The following EMP2 variants were observed in gnomAD, a reference collection of about 807,000 sequenced individuals.
EMP2 encodes epithelial membrane protein 2.
A neutral mutation model predicts 13.7 loss-of-function variants in EMP2; 19 were observed. The ratio of observed to expected loss-of-function variants is 1.38; its 90% CI spans 0.97 to 2.03. The LOEUF is 2.03. Ranked by LOEUF, EMP2 falls within the 30% of genes most tolerant of loss-of-function variation. The pLI is 0.00. For missense variants in EMP2, 253 were observed against 220.7 expected, an observed-to-expected ratio of 1.15 and a Z score of -0.93; for synonymous variants, 97 against 84.7, an observed-to-expected ratio of 1.15 and a Z score of -0.80.
chr16:10,552,119 CTTT>C (rs35463309), intron 1 of EMP2, among the ~76,000 whole-genome samples: 1 of 108,222 alleles, frequency 9.2e-6, no homozygotes, highest in Non-Finnish European at 1.7e-5. Context: ...GATGCATTCC[CTTT>C]TTTTTTTTTT....
chr16:10,562,347 T>TCC (rs2050877496), intron 1 of EMP2, among the ~76,000 whole-genome samples: 1 of 117,888 alleles, frequency 8.5e-6, no homozygotes, highest in African/African-American at 3.4e-5. Context: ...TCTCTCTCTC[T>TCC]CTCTCTCTCT....
chr16:10,547,773 T>G (rs2050751155), intron 1 of EMP2, 96 bp from the exon 2 acceptor site: 1 of 693,554 alleles, frequency 1.4e-6, no homozygotes, highest in Non-Finnish European at 2.4e-6. Flanking sequence ...TGGTGGCTCA[T>G]GCCTATAATC....
At chr16:10,541,758 C>T (rs1194532715) in intron 3 of EMP2, among the ~76,000 whole-genome samples, 1 of 152,170 alleles carries the variant, frequency 6.6e-6, no homozygotes, top group African/African-American at 2.4e-5. Flanking sequence ...CACACCTAGA[C>T]TGGAATCCTG....
At chr16:10,542,883 T>A (rs1037622803) in intron 3 of EMP2, among the ~76,000 whole-genome samples, 1 of 152,230 alleles carries the variant, frequency 6.6e-6, no homozygotes, top group Non-Finnish European at 1.5e-5. Flanking sequence ...TCTCACTCTG[T>A]CACCCAGGGT....
intron 1 of EMP2, among the ~76,000 whole-genome samples, chr16:10,560,092 A>C (rs1221097359): frequency 6.6e-6 from 1 of 152,164 alleles, no homozygotes; most frequent in Non-Finnish European, 1.5e-5. Context: ...GCACCAGAGA[A>C]ACCATTATCT....
chr16:10,543,692 C>A lies in EMP2; in HGVS notation c.79-32G>T, dbSNP rs1231107404. Reference sequence around the variant, plus strand: ...CACAAAATGGAAATAGAGAGAAAGGCCGTCCGTTCATGATGCAAACACTGA... The same window carrying A: ...CACAAAATGGAAATAGAGAGAAAGGACGTCCGTTCATGATGCAAACACTGA... On this transcript the variant is annotated intron_variant, in intron 2 of 4. Coordinates refer to ENST00000359543, the MANE Select transcript of EMP2 (RefSeq NM_001424.6). The A allele has an allele frequency of 3.1e-6, 5 of 1,607,142 alleles. 1 individual carries two copies. The highest frequency in any genetic ancestry group is 4.3e-6 in the Non-Finnish European group (5 of 1,173,772).
At chr16:10,575,237 C>CATTT in intron 1 of EMP2, among the ~76,000 whole-genome samples, 1 of 52,500 alleles carries the variant, frequency 1.9e-5, no homozygotes, top group Non-Finnish European at 3.6e-5. Flanking sequence ...AGCTTGCATT[C>CATTT]TTTTTTTTTT....
intron 3 of EMP2, 89 bp downstream of exon 3, chr16:10,543,481 G>T: frequency 7.1e-7 from 1 of 1,412,176 alleles, no homozygotes; most frequent in Non-Finnish European, 1.0e-6. Flanking sequence ...TGGAGGAGAG[G>T]GTACGGAGTC....
chr16:10,532,202 AG>A lies in EMP2; in HGVS notation c.*702del, dbSNP rs35914943. 102,194 of 153,198 alleles carry A rather than the reference AG, an allele frequency of 0.67. 34,276 individuals carry two copies. Among genetic ancestry groups the A allele is most frequent in the East Asian group, 0.76 (3,871 of 5,096 alleles). The allele number at this position is 153,198 out of a possible 1,614,324, so 9.5% of individuals were successfully genotyped here. ...ACTCTGATTCTGTAGGTCTGGGGTG[AG>A]GGGGGGGGCGCTGTAGGTTTTGCCT... is the stretch of plus-strand genomic sequence containing the variant. On this transcript the variant is annotated 3_prime_UTR_variant, in exon 5 of 5. Transcript: ENST00000359543.
intron 1 of EMP2, among the ~76,000 whole-genome samples, chr16:10,572,341 G>A (rs201367066): frequency 6.6e-6 from 1 of 152,072 alleles, no homozygotes; most frequent in East Asian, 1.9e-4. Flanking sequence ...CAGCTACTCA[G>A]GAGGCTGAGG....
At chr16:10,540,532 A>AAATAAAT (rs978921998) in intron 3 of EMP2, among the ~76,000 whole-genome samples, 2 of 151,744 alleles carry the variant, frequency 1.3e-5, no homozygotes, top group African/African-American at 4.8e-5. Flanking sequence ...ATAAACAAAT[A>AAATAAAT]AATAAATAGA....
chr16:10,550,045 C>A (rs898741174), intron 1 of EMP2, among the ~76,000 whole-genome samples: 1 of 151,760 alleles, frequency 6.6e-6, no homozygotes, highest in African/African-American at 2.4e-5. Context: ...GTCACCACGC[C>A]CAGCTAATTT....
intron 3 of EMP2, among the ~76,000 whole-genome samples, chr16:10,542,311 T>G (rs539203735): frequency 5.9e-5 from 9 of 152,104 alleles, no homozygotes; most frequent in African/African-American, 2.2e-4. Context: ...GATGGGAGGA[T>G]CACTTGAGCC....
intron 1 of EMP2, among the ~76,000 whole-genome samples, chr16:10,569,919 G>A (rs1011762813): frequency 1.3e-5 from 2 of 152,172 alleles, no homozygotes; most frequent in African/African-American, 4.8e-5. Context: ...CCAACTGCAG[G>A]AGGGAGAGGG....
intron 4 of EMP2, 39 bp from the exon 5 acceptor site, chr16:10,533,131 C>A (rs369332520): frequency 1.3e-6 from 2 of 1,486,058 alleles, no homozygotes; most frequent in African/African-American, 1.4e-5. Context: ...AAATCATGGA[C>A]CACAGTGCAC....
At chr16:10,546,402 A>G (rs2050738938) in intron 2 of EMP2, 2 of 152,246 alleles carry the variant, frequency 1.3e-5, no homozygotes, top group South Asian at 4.1e-4. Flanking sequence ...AGGGATATTA[A>G]TCTATGCCAA....
At chr16:10,563,573 T>A (rs1411237824) in intron 1 of EMP2, among the ~76,000 whole-genome samples, 1 of 152,224 alleles carries the variant, frequency 6.6e-6, no homozygotes, top group Non-Finnish European at 1.5e-5. Flanking sequence ...TGTACATCAC[T>A]GTCGACAACT....
intron 2 of EMP2, chr16:10,544,505 C>G (rs1211177884): frequency 1.3e-5 from 2 of 152,340 alleles, no homozygotes; most frequent in African/African-American, 4.8e-5. Flanking sequence ...CTAACCGGCT[C>G]CAGGTGATGC....
At chr16:10,536,874 G>C (rs1326313239) in intron 4 of EMP2, among the ~76,000 whole-genome samples, 1 of 152,162 alleles carries the variant, frequency 6.6e-6, no homozygotes, top group Non-Finnish European at 1.5e-5. Context: ...TCCTGCATGG[G>C]CCTCCCAAAG....
Sources: allele counts gnomAD v4.1 joint callset (sites outside exome capture counted in the v4.1 genomes callset), GRCh38; gene constraint gnomAD v4.1.1; transcripts MANE v1.5; gene names NCBI Gene and HGNC (gene_info 2026-07-23, HGNC 2026-07-21).